Variants in ARHGEF7 observed in about 807,000 individuals in gnomAD.
ARHGEF7 encodes the protein PAK-interacting exchange factor beta.
ARHGEF7 carries 33 observed loss-of-function variants against 109.8 expected under a neutral mutation model. The ratio of observed to expected loss-of-function variants is 0.30; its 90% CI spans 0.23 to 0.40. The LOEUF (loss-of-function observed/expected upper bound fraction) is 0.40, where lower values mean the gene tolerates loss of function less well. Among genes scored for constraint, ARHGEF7 ranks in the 10% least tolerant of loss-of-function variants. The probability of loss-of-function intolerance (pLI) is 1.00; values close to 1 mark genes in which losing one functional copy is unlikely to be tolerated. For missense variants in ARHGEF7, 938 were observed against 1,098.5 expected (o/e 0.85, Z 2.07); for synonymous variants, 458 against 424.6 (o/e 1.08, Z -0.97).
intron 4 of ARHGEF7, among the ~76,000 whole-genome samples, chr13:111,217,475 T>G (rs2083279533): frequency 6.6e-6 from 1 of 152,212 alleles, no homozygotes; most frequent in South Asian, 2.1e-4. Flanking sequence ...GACCTTTGAA[T>G]GCTGTGAAGA....
intron 5 of ARHGEF7, among the ~76,000 whole-genome samples, chr13:111,231,419 C>T (rs2086035727): frequency 6.7e-6 from 1 of 149,898 alleles, no homozygotes; most frequent in Non-Finnish European, 1.5e-5. Context: ...GCAGCGGCAC[C>T]TTATTTTGTT....
chr13:111,284,120 T>C (rs562893040), intron 16 of ARHGEF7, among the ~76,000 whole-genome samples: 33 of 151,952 alleles, frequency 2.2e-4, no homozygotes, highest in African/African-American at 7.7e-4. Flanking sequence ...TGGTGAGGTA[T>C]GAGGAGTGGC....
upstream of ARHGEF7, chr13:111,115,215 G>C (rs901580525): frequency 6.8e-6 from 1 of 146,642 alleles, no homozygotes; most frequent in Admixed American, 6.8e-5. Context: ...GGCGCGGGCC[G>C]GGCGCGGGCC....
chr13:111,227,174 GAAAT>G (rs1038584156), intron 5 of ARHGEF7, among the ~76,000 whole-genome samples: 4 of 152,202 alleles, frequency 2.6e-5, no homozygotes, highest in Admixed American at 1.3e-4. Context: ...GAACATTGTT[GAAAT>G]AACAAAAGAT....
chr13:111,298,849 G>T (rs2093487012), intron 19 of ARHGEF7, among the ~76,000 whole-genome samples: 1 of 152,190 alleles, frequency 6.6e-6, no homozygotes, highest in Non-Finnish European at 1.5e-5. Flanking sequence ...CGCCTTTGAA[G>T]GGGCATTTGG....
At chr13:111,164,154 G>A (rs551669628) in intron 2 of ARHGEF7, among the ~76,000 whole-genome samples, 2 of 152,296 alleles carry the variant, frequency 1.3e-5, no homozygotes, top group Admixed American at 1.3e-4. Context: ...CATTTTCCTT[G>A]TACTGTTTTG....
chr13:111,183,490 A>G (rs550331727), intron 2 of ARHGEF7, among the ~76,000 whole-genome samples: 1 of 152,116 alleles, frequency 6.6e-6, no homozygotes, highest in Non-Finnish European at 1.5e-5. Context: ...CACCTCCGGC[A>G]TCATCTGTGG....
At chr13:111,235,064 C>T (rs560638224) in intron 6 of ARHGEF7, among the ~76,000 whole-genome samples, 48 of 152,342 alleles carry the variant, frequency 3.2e-4, no homozygotes, top group African/African-American at 1.1e-3. Flanking sequence ...GCCCTTTCCT[C>T]TTGCATTCTT....
At chr13:111,124,169 G>A (rs2067404535) in intron 1 of ARHGEF7, among the ~76,000 whole-genome samples, 1 of 152,156 alleles carries the variant, frequency 6.6e-6, no homozygotes, top group Admixed American at 6.5e-5. Flanking sequence ...TTTCCTTGAA[G>A]GGTGCTTCCT....
chr13:111,171,925 A>G (rs1332169086), intron 2 of ARHGEF7, among the ~76,000 whole-genome samples: 2 of 152,214 alleles, frequency 1.3e-5, no homozygotes, highest in Admixed American at 1.3e-4. Flanking sequence ...TCATCTGTGA[A>G]GAAACAGGCC....
At chr13:111,211,583 CTT>C (rs2153477917) in intron 4 of ARHGEF7, among the ~76,000 whole-genome samples, 1 of 152,262 alleles carries the variant, frequency 6.6e-6, no homozygotes, top group Admixed American at 6.5e-5. Flanking sequence ...TGTGTGAAGT[CTT>C]TTTGGGCTGA....
chr13:111,201,296 G>A (rs895291024), intron 2 of ARHGEF7, among the ~76,000 whole-genome samples: 2 of 152,140 alleles, frequency 1.3e-5, no homozygotes, highest in African/African-American at 4.8e-5. Flanking sequence ...TTTATATATG[G>A]CCTGTGTATT....
chr13:111,240,842 CAAA>C (rs910521362), intron 6 of ARHGEF7, among the ~76,000 whole-genome samples: 4 of 151,524 alleles, frequency 2.6e-5, no homozygotes, highest in African/African-American at 9.7e-5. Context: ...ACAGATGAAA[CAAA>C]AAAAATTAAT....
chr13:111,136,935 T>G (rs1351287283), intron 1 of ARHGEF7, among the ~76,000 whole-genome samples: 1 of 152,136 alleles, frequency 6.6e-6, no homozygotes, highest in African/African-American at 2.4e-5. Flanking sequence ...CCCACAGAAA[T>G]GCAAACTACC....
In ARHGEF7 at chr13:111,266,802, G is replaced by A. The variant is rs1379480862; in HGVS notation, c.951-746G>A. The A allele has an allele frequency of 2.2e-6, 1 of 455,992 alleles. No homozygotes were observed. Among genetic ancestry groups the A allele is most frequent in the Non-Finnish European group, 4.4e-6 (1 of 226,794 alleles). 28.2% of individuals were successfully genotyped at this position (455,992 alleles called of 1,614,324 possible). On this transcript the variant is annotated intron_variant, in intron 8 of 21. Coordinates refer to ENST00000646102, the MANE Select transcript of ARHGEF7 (RefSeq NM_001354046.2). The surrounding 1 kb of genome is among the most constrained non-coding windows in gnomAD (Gnocchi z 4.8). ...CTGGGGTGCAGGGAAGGTGGTAAGAGTTCACGTGGTTCTCCTGTTTTCAGC... is the reference window on the plus strand; with the variant it reads ...CTGGGGTGCAGGGAAGGTGGTAAGAATTCACGTGGTTCTCCTGTTTTCAGC...
chr13:111,274,775 CT>C lies in ARHGEF7; in HGVS notation c.1259del (p.Phe420SerfsTer22). ...RQDIQKSMAA[F>X]KNLSAQCQEV... ...AAGATATTCAAAAATCCATGGCTGC[CT>C]TCAAAAACCTTTCAGTAAGTGATTA... is the stretch of plus-strand genomic sequence containing the variant. On this transcript the variant is annotated frameshift_variant, in exon 11 of 22. Transcript: ENST00000646102. LOFTEE classifies it high-confidence loss of function. 1 of 1,489,796 alleles carries C rather than the reference CT, an allele frequency of 6.7e-7. No homozygotes were observed. The highest frequency in any genetic ancestry group is 9.0e-7 in the Non-Finnish European group (1 of 1,117,270). 92.3% of individuals were successfully genotyped at this position (1,489,796 alleles called of 1,614,324 possible). A position where few individuals can be genotyped will look rare whatever the true frequency, so the allele number is the denominator to read the frequency against.
rs369816257 is a variant in ARHGEF7, at chr13:111,255,496, G to A, written c.950+11202G>A. ...GGAGGTAAAGTGGCCTGGTACTTACGGAACCATCTGCAAATGCTCGGGGCC... is the reference window on the plus strand; with the variant it reads ...GGAGGTAAAGTGGCCTGGTACTTACAGAACCATCTGCAAATGCTCGGGGCC... On this transcript the variant is annotated intron_variant, in intron 8 of 21. Transcript: ENST00000646102. The surrounding 1 kb of genome is among the most constrained non-coding windows in gnomAD (Gnocchi z 4.1). Among the ~76,000 whole-genome samples, 3 of 152,192 alleles carry A rather than the reference G, an allele frequency of 2.0e-5. No individual in the cohort carries two copies. The highest frequency in any genetic ancestry group is 4.4e-5 in the Non-Finnish European group (3 of 68,036).
rs369708667 is a variant in ARHGEF7 at position 111,300,873 on chromosome 13, G to A, written c.2411+26G>A. ...GTAAGATGTCTTCCGGTATTCTAAA[G>A]CAGATGTTTGACCTCTGCGGTGGGG... On this transcript the variant is annotated intron_variant, in intron 20 of 21. Coordinates refer to ENST00000646102, the MANE Select transcript of ARHGEF7 (RefSeq NM_001354046.2). 40 of 1,513,594 alleles carry A rather than the reference G, an allele frequency of 2.6e-5. No individual in the cohort carries two copies. In the South Asian group the frequency reaches 4.3e-4, roughly 16 times the overall value. The allele number at this position is 1,513,594 out of a possible 1,614,324, so 93.8% of individuals were successfully genotyped here. A position where few individuals can be genotyped will look rare whatever the true frequency, so the allele number is the denominator to read the frequency against.
intron 8 of ARHGEF7, among the ~76,000 whole-genome samples, chr13:111,257,781 G>A (rs1223152391): frequency 6.6e-6 from 1 of 152,232 alleles, no homozygotes; most frequent in Non-Finnish European, 1.5e-5. Context: ...TCGGAGAGGG[G>A]GAGGGCTCAG....
Sources: gnomAD v4.1 joint callset for allele counts (sites outside exome capture counted in the v4.1 genomes callset) on GRCh38, gnomAD v4.1.1 for gene constraint, Gnocchi (gnomAD v3.1) non-coding constraint, MANE v1.5 for transcripts, NCBI Gene and HGNC (gene_info 2026-07-23, HGNC 2026-07-21) for gene names.